Variants in MSTO1 observed in about 807,000 individuals in gnomAD.
The protein encoded by MSTO1 is misato mitochondrial distribution and morphology regulator 1, also known as protein misato homolog 1.
In MSTO1, 24 loss-of-function variants were observed where a neutral mutation model predicts 55.7. The observed-to-expected ratio is 0.43, with a 90% CI of 0.31 to 0.61. MSTO1 has a LOEUF of 0.61. Among genes scored for constraint, MSTO1 ranks in the 20% least tolerant of loss-of-function variants. The pLI is 0.09. For missense variants in MSTO1, 363 were observed against 625.7 expected, an observed-to-expected ratio of 0.58 and a Z score of 4.48; for synonymous variants, 162 against 252.8, an observed-to-expected ratio of 0.64 and a Z score of 3.41.
At chr1:155,606,819 C>T (rs1672943543), upstream of MSTO1, among the ~76,000 whole-genome samples, 1 of 151,824 alleles carries the variant, frequency 6.6e-6, no homozygotes, top group South Asian at 2.1e-4. Flanking sequence ...CTGCAGCCGG[C>T]CCAGATCCAA....
At chr1:155,605,370 C>A (rs1243476458), upstream of MSTO1, among the ~76,000 whole-genome samples, 1 of 152,154 alleles carries the variant, frequency 6.6e-6, no homozygotes, top group Non-Finnish European at 1.5e-5. Flanking sequence ...TCACCATAAA[C>A]AACTTGGTAG....
chr1:155,578,078 T>G, the MSTO1 span, among the ~76,000 whole-genome samples: 1 of 152,114 alleles, frequency 6.6e-6, no homozygotes, highest in Admixed American at 6.6e-5. Flanking sequence ...ATTGCTGGGA[T>G]TTTGATAGTA....
At chr1:155,609,829 G>A (rs1387227966), upstream of MSTO1, 6 of 211,044 alleles carry the variant, frequency 2.8e-5, no homozygotes, top group East Asian at 7.2e-4. Context: ...AGGCTTTAGG[G>A]GAGCTTCCGC....
the MSTO1 span, among the ~76,000 whole-genome samples, chr1:155,599,948 A>T: frequency 6.6e-6 from 1 of 152,244 alleles, no homozygotes; most frequent in African/African-American, 2.4e-5. Flanking sequence ...CTATCTCAGT[A>T]GATGGAATGT....
At chr1:155,579,771 A>G in the MSTO1 span, among the ~76,000 whole-genome samples, 3,754 of 152,272 alleles carry the variant, frequency 0.025, 55 homozygotes, top group Admixed American at 0.037. Flanking sequence ...AACGAGTTCA[A>G]TCCTTAGACT....
chr1:155,563,652 T>C, the MSTO1 span: 1 of 451,884 alleles, frequency 2.2e-6, no homozygotes, highest in South Asian at 1.6e-5. Flanking sequence ...AGAAACCATG[T>C]GCTTTTCATT....
At chr1:155,572,551 A>G in the MSTO1 span, among the ~76,000 whole-genome samples, 1 of 152,168 alleles carries the variant, frequency 6.6e-6, no homozygotes, top group Non-Finnish European at 1.5e-5. Flanking sequence ...GTCTCTACTA[A>G]AAATACAAAA....
upstream of MSTO1, among the ~76,000 whole-genome samples, chr1:155,608,655 A>C (rs1673077056): frequency 6.6e-6 from 1 of 151,306 alleles, no homozygotes; most frequent in Non-Finnish European, 1.5e-5. Flanking sequence ...CGCGCCCGTC[A>C]CCACGCCCGG....
chr1:155,572,513 A>G, the MSTO1 span, among the ~76,000 whole-genome samples: 2 of 152,064 alleles, frequency 1.3e-5, no homozygotes, highest in African/African-American at 2.4e-5. Flanking sequence ...GGAGTTCAAG[A>G]CCATCCTGGC....
At chr1:155,590,013 G>A in the MSTO1 span, among the ~76,000 whole-genome samples, 11 of 151,646 alleles carry the variant, frequency 7.3e-5, no homozygotes, top group East Asian at 3.9e-4. Flanking sequence ...GGGGTGAGGC[G>A]GGGCGGGCAG....
upstream of MSTO1, among the ~76,000 whole-genome samples, chr1:155,609,244 T>TATATA (rs1553289697): frequency 8.6e-4 from 13 of 15,064 alleles, no homozygotes; most frequent in South Asian, 9.1e-3. Flanking sequence ...TATATATATA[T>TATATA]TTTTTTTTTT....
At chr1:155,567,627 C>T in the MSTO1 span, among the ~76,000 whole-genome samples, 5 of 151,822 alleles carry the variant, frequency 3.3e-5, no homozygotes, top group East Asian at 2.0e-4. Flanking sequence ...ATAGAGACAG[C>T]GTTTCGCCAT....
At chr1:155,608,498 T>C (rs1054338753), upstream of MSTO1, among the ~76,000 whole-genome samples, 12 of 139,492 alleles carry the variant, frequency 8.6e-5, no homozygotes, top group South Asian at 2.2e-4. Context: ...CCTTATCTCT[T>C]TTTTTTTTTT....
the MSTO1 span, chr1:155,601,999 C>G: frequency 6.8e-6 from 3 of 438,800 alleles, no homozygotes; most frequent in Non-Finnish European, 1.4e-5. Context: ...CGTGATCCGC[C>G]CACCTCAGCC....
the MSTO1 span, among the ~76,000 whole-genome samples, chr1:155,574,663 C>T: frequency 6.6e-6 from 1 of 152,096 alleles, no homozygotes; most frequent in East Asian, 1.9e-4. Flanking sequence ...AGCTTCTTGA[C>T]TCAAGGGATC....
In MSTO1 at chr1:155,614,054, C is replaced by T; in HGVS notation, c.1499-5C>T. ...TACAGGTCTCTGTTTCCTCTCCCTC[C>T]ACAGCAGTGGAGAGCATCCCAGTGT... On this transcript the variant is annotated splice_polypyrimidine_tract_variant and splice_region_variant and intron_variant, in intron 13 of 13. Coordinates refer to ENST00000245564, the MANE Select transcript of MSTO1 (RefSeq NM_018116.4). 6 of 1,535,190 alleles carry T rather than the reference C, an allele frequency of 3.9e-6. No individual in the cohort carries two copies. The South Asian group carries it at 7.7e-5, about 20-fold the overall frequency.
the MSTO1 span, among the ~76,000 whole-genome samples, chr1:155,600,403 G>A: frequency 6.6e-6 from 1 of 152,202 alleles, no homozygotes; most frequent in South Asian, 2.1e-4. Flanking sequence ...AGAATCTCAA[G>A]GCAGAAGAAT....
At chr1:155,596,824 C>T in the MSTO1 span, among the ~76,000 whole-genome samples, 1 of 151,692 alleles carries the variant, frequency 6.6e-6, no homozygotes, top group Non-Finnish European at 1.5e-5. Context: ...ATGAATGGTC[C>T]AGTTGTGGTG....
the MSTO1 span, among the ~76,000 whole-genome samples, chr1:155,585,247 G>A: frequency 2.6e-5 from 4 of 152,242 alleles, no homozygotes; most frequent in South Asian, 8.3e-4. Flanking sequence ...ATGAGGGACG[G>A]GCGTGGTAGC....
Sources: allele counts gnomAD v4.1 joint callset (sites outside exome capture counted in the v4.1 genomes callset), GRCh38; gene constraint gnomAD v4.1.1; transcripts MANE v1.5; gene names NCBI Gene and HGNC (gene_info 2026-07-23, HGNC 2026-07-21).